The following IKZF3 variants were observed in gnomAD, a reference collection of about 807,000 sequenced individuals.
The protein encoded by IKZF3 is zinc finger protein Aiolos.
IKZF3 carries 10 observed loss-of-function variants against 49.0 expected under a neutral mutation model. That is an observed-to-expected ratio of 0.20 (90% CI 0.13 to 0.35). The LOEUF is 0.35. IKZF3 is among the 10% of genes least tolerant of loss of function. IKZF3 has a pLI of 1.00. For synonymous variants in IKZF3, 209 were observed against 228.2 expected (o/e 0.92, Z 0.76); for missense variants, 498 against 664.8 (o/e 0.75, Z 2.76).
chr17:39,862,288 T>A (rs985488241), intron 1 of IKZF3, among the ~76,000 whole-genome samples: 2 of 152,196 alleles, frequency 1.3e-5, no homozygotes, highest in Non-Finnish European at 2.9e-5. Context: ...GAAGGAATGA[T>A]ATACAGTATT....
chr17:39,829,637 T>C (rs2062054945), intron 2 of IKZF3, 149 bp from the exon 3 acceptor site: 3 of 594,588 alleles, frequency 5.0e-6, no homozygotes, highest in South Asian at 2.2e-5. Flanking sequence ...AAGGGATGTA[T>C]ACATGAAAAC....
At chr17:39,854,315 A>T (rs1245887340) in intron 1 of IKZF3, among the ~76,000 whole-genome samples, 2 of 147,412 alleles carry the variant, frequency 1.4e-5, no homozygotes, top group South Asian at 2.1e-4. Context: ...GCATCAATTT[A>T]AAAAAAAAAA....
At chr17:39,787,817 G>A (rs1157554479) in intron 6 of IKZF3, among the ~76,000 whole-genome samples, 1 of 152,218 alleles carries the variant, frequency 6.6e-6, no homozygotes, top group African/African-American at 2.4e-5. Flanking sequence ...TTCACTCAGA[G>A]TAAAAGCCAA....
intron 1 of IKZF3, among the ~76,000 whole-genome samples, chr17:39,860,686 A>C (rs1423095785): frequency 6.6e-6 from 1 of 152,220 alleles, no homozygotes. Flanking sequence ...TTATGAATTA[A>C]TGTGACCCCC....
chr17:39,826,552 G>A (rs981205657), intron 3 of IKZF3, among the ~76,000 whole-genome samples: 2 of 152,218 alleles, frequency 1.3e-5, no homozygotes, highest in African/African-American at 4.8e-5. Context: ...GGTAAGGCAA[G>A]AGTGCAATGG....
chr17:39,820,403 C>T (rs1351882908), intron 3 of IKZF3, among the ~76,000 whole-genome samples: 1 of 152,010 alleles, frequency 6.6e-6, no homozygotes, highest in East Asian at 1.9e-4. Flanking sequence ...CACAAAAAAG[C>T]CTGGAAGTAA....
chr17:39,836,088 G>C, intron 1 of IKZF3: 1 of 660,734 alleles, frequency 1.5e-6, no homozygotes, highest in South Asian at 1.6e-5. Context: ...CCGCGATGAA[G>C]GGGGCAAACT....
intron 3 of IKZF3, among the ~76,000 whole-genome samples, 192 bp downstream of exon 3, chr17:39,829,195 G>A (rs1568032077): frequency 6.6e-6 from 1 of 152,144 alleles, no homozygotes; most frequent in Non-Finnish European, 1.5e-5. Flanking sequence ...CACTGGATAA[G>A]CACCTTAAAT....
Position 39,769,268 on chromosome 17 carries a change from G to A in IKZF3, c.827-2775C>T, listed in dbSNP as rs536476840. Among the ~76,000 whole-genome samples the A allele has an allele frequency of 1.4e-4, 22 of 152,278 alleles. No homozygotes were observed. The South Asian group carries it at 2.5e-3, about 17-fold the overall frequency. On this transcript the variant is annotated intron_variant, in intron 7 of 7. Coordinates refer to ENST00000346872, the MANE Select transcript of IKZF3 (RefSeq NM_012481.5). ...TGAGAAAGACAGGTTTGTGGTTAAC[G>A]TAACAGCAATGTGTAAGGCAGACCA...
chr17:39,794,486 C>T (rs970675883), intron 3 of IKZF3, among the ~76,000 whole-genome samples: 2 of 152,188 alleles, frequency 1.3e-5, no homozygotes, highest in African/African-American at 2.4e-5. Context: ...TCACTTCTAT[C>T]AAGGTTACCT....
At chr17:39,797,416 T>G (rs556863790) in intron 3 of IKZF3, among the ~76,000 whole-genome samples, 13 of 143,710 alleles carry the variant, frequency 9.0e-5, no homozygotes, top group Non-Finnish European at 1.7e-4. Context: ...CTATGTCTTT[T>G]CTTTCTTTCT....
Position 39,765,612 on chromosome 17 carries a change from C to G in IKZF3, c.*178G>C. On this transcript the variant is annotated 3_prime_UTR_variant, in exon 8 of 8. Coordinates refer to ENST00000346872, the MANE Select transcript of IKZF3 (RefSeq NM_012481.5). ...TTCACAAAAGTAATAATATGCTAGA[C>G]CTGCGAATAATTTCTGAAGGAAGAC... 3.6e-6 allele frequency: 2 copies of G among 552,940 alleles called. No individual in the cohort carries two copies. The highest frequency in any genetic ancestry group is 3.2e-6 in the Non-Finnish European group (1 of 313,268). The allele number at this position is 552,940 out of a possible 1,614,324, so 34.3% of individuals were successfully genotyped here.
chr17:39,819,432 TC>T (rs1165293222), intron 3 of IKZF3, among the ~76,000 whole-genome samples: 3 of 152,132 alleles, frequency 2.0e-5, no homozygotes, highest in Non-Finnish European at 4.4e-5. Context: ...GATGTCACCT[TC>T]AAGAAGTTGC....
chr17:39,788,630 A>AT (rs2060931098), intron 5 of IKZF3, among the ~76,000 whole-genome samples: 1 of 152,178 alleles, frequency 6.6e-6, no homozygotes, highest in Non-Finnish European at 1.5e-5. Context: ...AGTGATTACC[A>AT]TTTCGCATAC....
At chr17:39,860,635 C>T (rs1227115296) in intron 1 of IKZF3, among the ~76,000 whole-genome samples, 1 of 152,210 alleles carries the variant, frequency 6.6e-6, no homozygotes, top group Non-Finnish European at 1.5e-5. Flanking sequence ...CGCATGTTCT[C>T]ACTTATGACG....
chr17:39,807,058 G>A (rs1316293615), intron 3 of IKZF3, among the ~76,000 whole-genome samples: 1 of 152,166 alleles, frequency 6.6e-6, no homozygotes, highest in East Asian at 1.9e-4. Context: ...TGAGACCACA[G>A]TTCAGGTCAG....
At chr17:39,778,367 G>A (rs559713833) in intron 6 of IKZF3, 2 of 166,734 alleles carry the variant, frequency 1.2e-5, no homozygotes, top group African/African-American at 4.9e-5. Context: ...GTTTCTCTGT[G>A]CTCTGTATTA....
At chr17:39,843,229 T>C (rs2062530243) in intron 1 of IKZF3, among the ~76,000 whole-genome samples, 1 of 152,182 alleles carries the variant, frequency 6.6e-6, no homozygotes, top group Admixed American at 6.5e-5. Flanking sequence ...GTTGATTTCC[T>C]GGTTTTGATG....
At chr17:39,802,371 C>G (rs756592254) in intron 3 of IKZF3, among the ~76,000 whole-genome samples, 34 of 151,750 alleles carry the variant, frequency 2.2e-4, no homozygotes, top group Non-Finnish European at 2.9e-4. Context: ...CTTCAGGAGG[C>G]AGAGGTGGGA....
Sources: allele counts gnomAD v4.1 joint callset (sites outside exome capture counted in the v4.1 genomes callset), GRCh38; gene constraint gnomAD v4.1.1; transcripts MANE v1.5; gene names NCBI Gene and HGNC (gene_info 2026-07-23, HGNC 2026-07-21).